Variants in ADPRM observed in about 807,000 individuals in gnomAD.
The protein encoded by ADPRM is ADP-ribose/CDP-alcohol diphosphatase, manganese dependent.
A neutral mutation model predicts 27.2 loss-of-function variants in ADPRM; 17 were observed. That is an observed-to-expected ratio of 0.63 (90% CI 0.43 to 0.94). The LOEUF is 0.94. ADPRM is among the 40% of genes least tolerant of loss of function. The pLI is 0.00. For missense variants in ADPRM, 337 were observed against 412.8 expected (o/e 0.82, Z 1.59); for synonymous variants, 135 against 145.3 (o/e 0.93, Z 0.51).
Position 10,705,873 on chromosome 17 carries a change from C to G in ADPRM, c.601+346C>G, listed in dbSNP as rs1597516288. Reference sequence around the variant, plus strand: ...TGAAACAGAAACAAGATTATTTCCACGGTCGTAAGTGCTGCCAAGGAAATA... The same window carrying G: ...TGAAACAGAAACAAGATTATTTCCAGGGTCGTAAGTGCTGCCAAGGAAATA... On this transcript the variant is annotated intron_variant, in intron 2 of 3. Transcript: ENST00000379774. The surrounding 1 kb of genome is among the most constrained non-coding windows in gnomAD (Gnocchi z 5.4). The G allele has an allele frequency of 3.4e-6, 1 of 295,386 alleles. No individual in the cohort carries two copies. Among genetic ancestry groups the G allele is most frequent in the African/African-American group, 2.1e-5 (1 of 46,544 alleles). 18.3% of individuals were successfully genotyped at this position (295,386 alleles called of 1,614,324 possible). A position where few individuals can be genotyped will look rare whatever the true frequency, so the allele number is the denominator to read the frequency against.
intron 1 of ADPRM, chr17:10,699,130 G>A (rs956499316): frequency 6.6e-6 from 1 of 152,184 alleles, no homozygotes; most frequent in Non-Finnish European, 1.5e-5. Flanking sequence ...GGGGCCAGAT[G>A]TGGTGGCTCA....
chr17:10,706,637 G>A, intron 3 of ADPRM, 83 bp downstream of exon 3: 2 of 954,872 alleles, frequency 2.1e-6, no homozygotes, highest in South Asian at 2.1e-5. Flanking sequence ...CAATATTTGT[G>A]TTTCGATATC....
At position 10,705,553 on chromosome 17, in the gene ADPRM, T is replaced by C; in HGVS notation, c.601+26T>C. On this transcript the variant is annotated intron_variant, in intron 2 of 3. Coordinates refer to ENST00000379774, the MANE Select transcript of ADPRM (RefSeq NM_020233.5). This position sits in a 1 kb window ranked among gnomAD's most constrained non-coding sequence, Gnocchi z 5.4. ...GTGAATTATTCCTTTGAGCTGAGAATCTAATAGATTGTCTTTAAATTCTTC... is the reference window on the plus strand; with the variant it reads ...GTGAATTATTCCTTTGAGCTGAGAACCTAATAGATTGTCTTTAAATTCTTC... 1 of 1,599,430 alleles carries C rather than the reference T, an allele frequency of 6.3e-7. No individual in the cohort carries two copies. The highest frequency in any genetic ancestry group is 1.1e-5 in the South Asian group (1 of 90,116).
At chr17:10,707,227 TAGC>T (rs1308917895) in intron 3 of ADPRM, among the ~76,000 whole-genome samples, 1 of 151,944 alleles carries the variant, frequency 6.6e-6, no homozygotes, top group African/African-American at 2.4e-5. Context: ...AAAAAGAAAT[TAGC>T]AGGGCATGGT....
intron 1 of ADPRM, among the ~76,000 whole-genome samples, chr17:10,704,569 C>T (rs2074801450): frequency 6.6e-6 from 1 of 150,690 alleles, no homozygotes; most frequent in Non-Finnish European, 1.5e-5. Flanking sequence ...TGTGCGTGTG[C>T]ATGTGTGTTT....
At chr17:10,706,645 A>G (rs2074814505) in intron 3 of ADPRM, 91 bp downstream of exon 3, 1 of 876,304 alleles carries the variant, frequency 1.1e-6, no homozygotes, top group Non-Finnish European at 1.7e-6. Context: ...GTGTTTCGAT[A>G]TCCTCTTTCT....
chr17:10,710,992 C>T lies in ADPRM; in HGVS notation c.877C>T (p.His293Tyr). ...GYSEDPFGVY[H>Y]VNLEGVIETA... ...CTCTGAGGATCCTTTTGGTGTATAC[C>T]ACGTCAACCTAGAAGGAGTTATTGA... is the stretch of plus-strand genomic sequence containing the variant. The change falls in exon 4 of 4, where the codon CAC becomes TAC. Residue 293 changes from histidine (H) to tyrosine (Y), a missense_variant. By Grantham distance (83) the His-to-Tyr change is moderately conservative (BLOSUM62 2). Coordinates refer to ENST00000379774, the MANE Select transcript of ADPRM (RefSeq NM_020233.5). The T allele has an allele frequency of 6.2e-7, 1 of 1,613,994 alleles. No individual in the cohort carries two copies. Among genetic ancestry groups the T allele is most frequent in the Non-Finnish European group, 8.5e-7 (1 of 1,180,020 alleles).
Position 10,702,773 on chromosome 17 carries a change from G to C in ADPRM, c.-17-2137G>C, listed in dbSNP as rs1178538987. 6.6e-6 allele frequency among the ~76,000 whole-genome samples: 1 copy of C among 152,156 alleles called. No individual in the cohort carries two copies. The highest frequency in any genetic ancestry group is 2.4e-5 in the African/African-American group (1 of 41,420). On this transcript the variant is annotated intron_variant, in intron 1 of 3. Coordinates refer to ENST00000379774, the MANE Select transcript of ADPRM (RefSeq NM_020233.5). The surrounding 1 kb of genome is among the most constrained non-coding windows in gnomAD (Gnocchi z 4.2). ...TCCCCAGCCAGTGAATGGGGTTGGA[G>C]GTCAGACCACAAGAACTGAGAGTGG...
chr17:10,706,182 C>T (rs1350049505), intron 2 of ADPRM, among the ~76,000 whole-genome samples: 1 of 152,076 alleles, frequency 6.6e-6, no homozygotes, highest in African/African-American at 2.4e-5. Flanking sequence ...TATGTAGCGG[C>T]TGAGTGGACT....
intron 1 of ADPRM, among the ~76,000 whole-genome samples, chr17:10,704,466 GA>G (rs2074800354): frequency 9.2e-6 from 1 of 108,730 alleles, no homozygotes; most frequent in African/African-American, 3.5e-5. Context: ...TACAGTGAAT[GA>G]ATGTAATACA....
intron 3 of ADPRM, among the ~76,000 whole-genome samples, chr17:10,707,728 C>T (rs946651032): frequency 1.3e-5 from 2 of 152,200 alleles, no homozygotes; most frequent in African/African-American, 4.8e-5. Context: ...GCTACAGGCT[C>T]GGCTGGCACT....
chr17:10,711,391 T>A lies in ADPRM; in HGVS notation c.*247T>A, dbSNP rs2151465803. 6.6e-6 allele frequency among the ~76,000 whole-genome samples: 1 copy of A among 152,306 alleles called. No individual in the cohort carries two copies. Among genetic ancestry groups the A allele is most frequent in the East Asian group, 1.9e-4 (1 of 5,184 alleles). On this transcript the variant is annotated 3_prime_UTR_variant, in exon 4 of 4. Transcript: ENST00000379774. ...TATAGTCCTCATAAGGGGCATATAG[T>A]CCTCATGAGGGATCTTATTTGGCCC...
In ADPRM at chr17:10,702,444, G is replaced by A. The variant is rs1054330481; in HGVS notation, c.-17-2466G>A. Among the ~76,000 whole-genome samples the A allele has an allele frequency of 2.6e-5, 4 of 152,206 alleles. No homozygotes were observed. The highest frequency in any genetic ancestry group is 9.6e-5 in the African/African-American group (4 of 41,454). ...TTAAGCCCAGGAGAATTTATGTGCT[G>A]ACATGTGTAACTAAATGACCAGTGT... On this transcript the variant is annotated intron_variant, in intron 1 of 3. Transcript: ENST00000379774. This position sits in a 1 kb window ranked among gnomAD's most constrained non-coding sequence, Gnocchi z 4.2.
At chr17:10,703,178 C>T (rs1327674021) in intron 1 of ADPRM, among the ~76,000 whole-genome samples, 2 of 130,372 alleles carry the variant, frequency 1.5e-5, no homozygotes, top group African/African-American at 5.8e-5. Flanking sequence ...AACTTGGAAT[C>T]GCAAATATTT....
In ADPRM at chr17:10,711,117, C is replaced by T; in HGVS notation, c.1002C>T (p.Tyr334=). ...GAGTTCCAGATAGAATTATGAATTA[C>T]AAGAAAGAAAGAGCCTTCCATTGTT... The part of the protein sequence containing the change: ...RGRVPDRIMN[Y]KKERAFHC The change falls in exon 4 of 4, where the codon TAC becomes TAT. Residue 334 remains tyrosine (Y), a synonymous_variant. Transcript: ENST00000379774. 1.2e-6 allele frequency: 2 copies of T among 1,609,590 alleles called. No homozygotes were observed. Among genetic ancestry groups the T allele is most frequent in the Non-Finnish European group, 1.7e-6 (2 of 1,176,462 alleles).
Position 10,704,994 on chromosome 17 carries a change from T to A in ADPRM, c.68T>A (p.Ile23Asn). ...GAGCGTCTTTTCTCCTTTGGCGTCA[T>A]CGCAGATGTTCAATTTGCAGACTTA... ...SSERLFSFGV[I>N]ADVQFADLED... Residue 23 changes from isoleucine (I) to asparagine (N), a missense_variant, in exon 2 of 4, where the codon ATC becomes AAC. Transcript: ENST00000379774. The A allele has an allele frequency of 1.2e-6, 2 of 1,614,186 alleles. No homozygotes were observed. The highest frequency in any genetic ancestry group is 1.7e-6 in the Non-Finnish European group (2 of 1,180,030).
At chr17:10,698,731 T>G (rs1193813628) in intron 1 of ADPRM, among the ~76,000 whole-genome samples, 2 of 152,336 alleles carry the variant, frequency 1.3e-5, no homozygotes, top group East Asian at 3.9e-4. Context: ...TGGACTAGAA[T>G]TTTCAGAAAT....
chr17:10,703,174 G>T (rs1269205565), intron 1 of ADPRM, among the ~76,000 whole-genome samples: 1 of 136,328 alleles, frequency 7.3e-6, no homozygotes, highest in Non-Finnish European at 1.6e-5. Context: ...TCTGAACTTG[G>T]AATCGCAAAT....
intron 3 of ADPRM, among the ~76,000 whole-genome samples, chr17:10,709,660 T>C (rs1376845416): frequency 6.6e-6 from 1 of 151,376 alleles, no homozygotes; most frequent in Non-Finnish European, 1.5e-5. Flanking sequence ...TTCGAGGTGC[T>C]GGAAAGCAGC....
Sources: gnomAD v4.1 joint callset for allele counts (sites outside exome capture counted in the v4.1 genomes callset) on GRCh38, gnomAD v4.1.1 for gene constraint, Gnocchi (gnomAD v3.1) non-coding constraint, MANE v1.5 for transcripts, NCBI Gene and HGNC (gene_info 2026-07-23, HGNC 2026-07-21) for gene names.